Variants in PCM1 observed in about 807,000 individuals in gnomAD.
The protein encoded by PCM1 is pericentriolar material 1 protein.
Under a neutral mutation model 241.9 loss-of-function variants are expected in PCM1, and 157 were observed. The observed-to-expected ratio is 0.65, with a 90% CI of 0.57 to 0.74. The LOEUF is 0.74. Among genes scored for constraint, PCM1 ranks in the 30% least tolerant of loss-of-function variants. PCM1 has a pLI of 0.00. For synonymous variants in PCM1, 1,085 were observed against 784.9 expected (o/e 1.38, Z -6.39); for missense variants, 3,478 against 2,360.1 (o/e 1.47, Z -9.81).
At chr8:18,016,079 A>G (rs917293130) in intron 36 of PCM1, among the ~76,000 whole-genome samples, 9 of 152,144 alleles carry the variant, frequency 5.9e-5, no homozygotes, top group African/African-American at 2.2e-4. Flanking sequence ...TAGTAGAGAC[A>G]GGGTTTCACC....
chr8:17,942,652 A>G (rs2129451530), intron 6 of PCM1, among the ~76,000 whole-genome samples: 1 of 151,938 alleles, frequency 6.6e-6, no homozygotes, highest in South Asian at 2.1e-4. Context: ...GATTTGCATA[A>G]TGGCATTCCA....
chr8:17,978,788 C>G (rs1051086827), intron 23 of PCM1, among the ~76,000 whole-genome samples: 2 of 152,004 alleles, frequency 1.3e-5, no homozygotes, highest in Non-Finnish European at 2.9e-5. Context: ...AATATAAATT[C>G]AAAAGTAAAA....
chr8:17,933,176 G>T (rs1339855125), intron 2 of PCM1, among the ~76,000 whole-genome samples: 1 of 152,160 alleles, frequency 6.6e-6, no homozygotes, highest in East Asian at 1.9e-4. Context: ...TTTTAGCATG[G>T]TGTTTGGCAT....
rs2129469617 is a variant in PCM1 at position 17,966,171 on chromosome 8, C to T, written c.3028C>T (p.Leu1010Phe). ...QEQINQLKKQ[L>F]DFSVSICQTL... is the part of the protein sequence containing the mutation. ...ACAAATCAATCAGCTAAAGAAACAG[C>T]TTGATTTTAGTGTCAGTATTTGTCA... The change falls in exon 19 of 39, where the codon CTT (leucine) becomes TTT (phenylalanine). Residue 1010 changes from leucine (L) to phenylalanine (F), a missense_variant. Coordinates refer to ENST00000325083, the MANE Select transcript of PCM1 (RefSeq NM_006197.4). The T allele has an allele frequency of 6.2e-7, 1 of 1,613,892 alleles. No homozygotes were observed. Among genetic ancestry groups the T allele is most frequent in the Non-Finnish European group, 8.5e-7 (1 of 1,179,826 alleles).
rs1329087256 is a variant in PCM1 at position 17,985,456 on chromosome 8, G to C, written c.4118G>C (p.Ser1373Thr). ...RSTEISSETG[S>T]DFSMFEALRD... is the part of the protein sequence containing the mutation. ...CTTTTATGTATTCCAGAAACTGGGAGTGATTTTTCCATGTTTGAAGCTTTG... is the reference window on the plus strand; with the variant it reads ...CTTTTATGTATTCCAGAAACTGGGACTGATTTTTCCATGTTTGAAGCTTTG... Residue 1373 changes from serine to threonine, a missense_variant, in exon 25 of 39, where the codon AGT becomes ACT. Ser to Thr is a moderately conservative substitution (Grantham distance 58). Coordinates refer to ENST00000325083, the MANE Select transcript of PCM1 (RefSeq NM_006197.4). 6.4e-7 allele frequency: 1 copy of C among 1,552,814 alleles called. No individual in the cohort carries two copies. The highest frequency in any genetic ancestry group is 8.7e-7 in the Non-Finnish European group (1 of 1,146,908).
chr8:17,931,190 A>G (rs1007542304), intron 2 of PCM1, among the ~76,000 whole-genome samples: 1 of 152,346 alleles, frequency 6.6e-6, no homozygotes, highest in South Asian at 2.1e-4. Flanking sequence ...GTAGTGTTCA[A>G]AGTCGTTAGC....
At chr8:17,968,762 G>GTATA (rs1554688770) in intron 21 of PCM1, among the ~76,000 whole-genome samples, 45 of 136,774 alleles carry the variant, frequency 3.3e-4, no homozygotes, top group African/African-American at 4.4e-4. Context: ...GTGTGTGTGT[G>GTATA]TATATATATA....
chr8:17,928,771 A>G (rs1440967996), intron 2 of PCM1, among the ~76,000 whole-genome samples: 3 of 151,822 alleles, frequency 2.0e-5, no homozygotes, highest in Non-Finnish European at 2.9e-5. Context: ...AGCTGGGATT[A>G]CAGGCATGTG....
intron 2 of PCM1, among the ~76,000 whole-genome samples, chr8:17,929,729 C>T (rs932786248): frequency 6.6e-6 from 1 of 152,122 alleles, no homozygotes; most frequent in African/African-American, 2.4e-5. Context: ...TTCCAGAGAC[C>T]CCCAGTGCAT....
chr8:17,982,790 A>G (rs1445317778), intron 24 of PCM1, among the ~76,000 whole-genome samples: 4 of 151,952 alleles, frequency 2.6e-5, no homozygotes, highest in Non-Finnish European at 5.9e-5. Context: ...CACCATGCCC[A>G]GCCCTGAAAA....
intron 24 of PCM1, among the ~76,000 whole-genome samples, chr8:17,984,078 C>G (rs960357547): frequency 6.6e-6 from 1 of 152,082 alleles, no homozygotes; most frequent in Non-Finnish European, 1.5e-5. Context: ...CTTTCCACCT[C>G]TTGACTGCAG....
chr8:17,939,421 AG>A (rs1166829389), intron 5 of PCM1, among the ~76,000 whole-genome samples: 2 of 152,156 alleles, frequency 1.3e-5, no homozygotes, highest in Non-Finnish European at 2.9e-5. Context: ...CAGTTGTAGA[AG>A]TAAAATTTTT....
intron 29 of PCM1, among the ~76,000 whole-genome samples, chr8:17,995,614 A>G (rs1417170263): frequency 6.6e-5 from 10 of 151,332 alleles, no homozygotes. Context: ...TGTCATTGGT[A>G]TTTTGATCAC....
At chr8:17,972,255 C>T (rs1219170796) in intron 22 of PCM1, 74 bp from the exon 23 acceptor site, 1 of 823,464 alleles carries the variant, frequency 1.2e-6, no homozygotes, top group Non-Finnish European at 1.8e-6. Flanking sequence ...CTCGAGTAGA[C>T]TATAAATTCA....
At chr8:17,952,906 AAAT>A (rs1370739000) in intron 8 of PCM1, 61 bp from the exon 9 acceptor site, 8 of 977,526 alleles carry the variant, frequency 8.2e-6, no homozygotes, top group Non-Finnish European at 1.2e-5. Flanking sequence ...TGCATTTAAA[AAAT>A]GAGAATGCAT....
intron 30 of PCM1, 101 bp from the exon 31 acceptor site, chr8:18,009,446 A>G: frequency 1.4e-6 from 1 of 720,644 alleles, no homozygotes; most frequent in Non-Finnish European, 2.3e-6. Flanking sequence ...TTCCTTAGTA[A>G]TCATAAACAT....
At chr8:18,011,148 T>A in intron 32 of PCM1, 89 bp from the exon 33 acceptor site, 1 of 812,948 alleles carries the variant, frequency 1.2e-6, no homozygotes, top group Non-Finnish European at 1.8e-6. Flanking sequence ...TTTTATTAGA[T>A]AATGATCATT....
intron 13 of PCM1, among the ~76,000 whole-genome samples, chr8:17,958,129 GTTGTTT>G (rs2069566501): frequency 6.6e-6 from 1 of 152,100 alleles, no homozygotes. Flanking sequence ...AAGAGGTTTT[GTTGTTT>G]TTGTTGTTTT....
intron 21 of PCM1, 108 bp from the exon 22 acceptor site, chr8:17,969,468 TG>T: frequency 1.2e-6 from 1 of 800,540 alleles, no homozygotes; most frequent in Non-Finnish European, 2.0e-6. Context: ...AACAGTTTTT[TG>T]TTTTGGTGGA....
Sources: gnomAD v4.1 joint callset for allele counts (sites outside exome capture counted in the v4.1 genomes callset) on GRCh38, gnomAD v4.1.1 for gene constraint, MANE v1.5 for transcripts, NCBI Gene and HGNC (gene_info 2026-07-23, HGNC 2026-07-21) for gene names.